The following ITGA6 variants were observed in gnomAD, a reference collection of about 807,000 sequenced individuals.
ITGA6 encodes the protein integrin subunit alpha 6, also known as integrin alpha-6.
A neutral mutation model predicts 133.6 loss-of-function variants in ITGA6; 63 were observed. The observed-to-expected ratio is 0.47, with a 90% CI of 0.38 to 0.58. The LOEUF is 0.58. ITGA6 is among the 20% of genes least tolerant of loss of function. The pLI is 0.00. For missense variants in ITGA6, 1,068 were observed against 1,309.4 expected (o/e 0.82, Z 2.85); for synonymous variants, 434 against 482.0 (o/e 0.90, Z 1.30).
At chr2:172,497,610 T>G (rs969103825) in intron 23 of ITGA6, among the ~76,000 whole-genome samples, 2 of 152,124 alleles carry the variant, frequency 1.3e-5, no homozygotes, top group African/African-American at 2.4e-5. Flanking sequence ...TTGAGAGCAA[T>G]TTGTTTAGAT....
At chr2:172,429,492 G>C (rs1684020520) in intron 1 of ITGA6, among the ~76,000 whole-genome samples, 2 of 152,184 alleles carry the variant, frequency 1.3e-5, no homozygotes, top group South Asian at 2.1e-4. Flanking sequence ...ACTGAAACCG[G>C]TGGCTTCCTT....
chr2:172,441,076 C>G (rs1003610195), intron 1 of ITGA6, among the ~76,000 whole-genome samples: 4 of 152,114 alleles, frequency 2.6e-5, no homozygotes, highest in Admixed American at 2.6e-4. Context: ...CCTTTAGACC[C>G]ATGTTAATCT....
At position 172,469,302 on chromosome 2, in the gene ITGA6, C is replaced by G. The variant is rs1253404239; in HGVS notation, c.565C>G (p.Gln189Glu). The stretch of plus-strand genomic sequence containing the variant: ...AGGCCATGAGAAATTTGGCTCTTGC[C>G]AGCAAGGTGTAGCAGCTACTTTTAC... ...LRGHEKFGSC[Q>E]QGVAATFTKD... is the part of the protein sequence containing the mutation. The change falls in exon 4 of 26, where the codon CAG (glutamine) becomes GAG (glutamate). Residue 189 changes from glutamine to glutamate, a missense_variant. Gln to Glu is a conservative substitution (Grantham distance 29). Coordinates refer to ENST00000684293, the MANE Select transcript of ITGA6 (RefSeq NM_000210.4). The G allele has an allele frequency of 6.2e-7, 1 of 1,614,120 alleles. No individual in the cohort carries two copies. Among genetic ancestry groups the G allele is most frequent in the Non-Finnish European group, 8.5e-7 (1 of 1,180,004 alleles).
chr2:172,449,422 T>C (rs1301629131), intron 1 of ITGA6, among the ~76,000 whole-genome samples: 1 of 152,172 alleles, frequency 6.6e-6, no homozygotes, highest in Non-Finnish European at 1.5e-5. Context: ...TCCCATTTAT[T>C]GAATGCCAAG....
intron 8 of ITGA6, 146 bp downstream of exon 8, chr2:172,475,831 A>G (rs1686150779): frequency 1.6e-6 from 1 of 637,750 alleles, no homozygotes; most frequent in African/African-American, 1.9e-5. Flanking sequence ...GTATTACTAG[A>G]AGATACCTTC....
rs1305292470 is a variant in ITGA6 at position 172,506,393 on chromosome 2, T to C, written c.*2325T>C. 2 of 152,208 alleles carry C rather than the reference T, an allele frequency of 1.3e-5. No individual in the cohort carries two copies. Among genetic ancestry groups the C allele is most frequent in the African/African-American group, 4.8e-5 (2 of 41,438 alleles). The allele number at this position is 152,208 out of a possible 1,614,324, so 9.4% of individuals were successfully genotyped here. A position where few individuals can be genotyped will look rare whatever the true frequency, so the allele number is the denominator to read the frequency against. ...TTCTGTTTTCGCTCTATGTAGGTGATCCTCAAGTCTTTCATTTTCCTTCTT... is the reference window on the plus strand; with the variant it reads ...TTCTGTTTTCGCTCTATGTAGGTGACCCTCAAGTCTTTCATTTTCCTTCTT... On this transcript the variant is annotated 3_prime_UTR_variant, in exon 26 of 26. Coordinates refer to ENST00000684293, the MANE Select transcript of ITGA6 (RefSeq NM_000210.4).
intron 1 of ITGA6, among the ~76,000 whole-genome samples, chr2:172,463,198 G>A (rs896965005): frequency 6.6e-6 from 1 of 152,242 alleles, no homozygotes; most frequent in African/African-American, 2.4e-5. Flanking sequence ...GTGAACGAAT[G>A]TGGGAATGGG....
In ITGA6 at chr2:172,484,701, A is replaced by T. The variant is rs1196743120; in HGVS notation, c.1550-81A>T. ...GGCAATGTTTTCTACAAGGAATTAA[A>T]ATCTTAAAAGGAGTTCAACATGCTT... On this transcript the variant is annotated intron_variant, in intron 11 of 25. Coordinates refer to ENST00000684293, the MANE Select transcript of ITGA6 (RefSeq NM_000210.4). The T allele has an allele frequency of 1.1e-5, 13 of 1,162,248 alleles. No individual in the cohort carries two copies. In the African/African-American group the frequency reaches 1.4e-4, roughly 12 times the overall value. The allele number at this position is 1,162,248 out of a possible 1,614,324, so 72.0% of individuals were successfully genotyped here. A position where few individuals can be genotyped will look rare whatever the true frequency, so the allele number is the denominator to read the frequency against.
At chr2:172,454,669 C>T (rs1156582215) in intron 1 of ITGA6, among the ~76,000 whole-genome samples, 1 of 152,138 alleles carries the variant, frequency 6.6e-6, no homozygotes, top group African/African-American at 2.4e-5. Flanking sequence ...TCCTGACCCT[C>T]CAGACCTGCT....
upstream of ITGA6, chr2:172,427,550 G>T: frequency 8.4e-7 from 1 of 1,194,100 alleles, no homozygotes; most frequent in Non-Finnish European, 1.0e-6. Context: ...CGGCGTCCTC[G>T]TCACTTGATA....
chr2:172,442,425 A>G (rs1301565714), intron 1 of ITGA6, among the ~76,000 whole-genome samples: 1 of 152,174 alleles, frequency 6.6e-6, no homozygotes, highest in Non-Finnish European at 1.5e-5. Flanking sequence ...TCCTTTCTGA[A>G]AGGAGGATAG....
intron 13 of ITGA6, among the ~76,000 whole-genome samples, 161 bp from the exon 14 acceptor site, chr2:172,486,862 A>G (rs1265991566): frequency 6.6e-6 from 1 of 152,220 alleles, no homozygotes; most frequent in African/African-American, 2.4e-5. Flanking sequence ...TAAAGGACAG[A>G]ATGGAAATTT....
chr2:172,436,611 A>C (rs143025594), intron 1 of ITGA6, among the ~76,000 whole-genome samples: 1 of 152,206 alleles, frequency 6.6e-6, no homozygotes, highest in Non-Finnish European at 1.5e-5. Flanking sequence ...GTGTGTGTAC[A>C]TGTTTTAACC....
At chr2:172,498,128 A>G (rs752422367) in intron 24 of ITGA6, 28 bp downstream of exon 24, 1 of 1,603,570 alleles carries the variant, frequency 6.2e-7, no homozygotes, top group South Asian at 1.1e-5. Flanking sequence ...TTTGAATTTC[A>G]TAACAAACTT....
intron 1 of ITGA6, among the ~76,000 whole-genome samples, chr2:172,434,734 C>T (rs1323381599): frequency 1.3e-5 from 2 of 152,048 alleles, no homozygotes; most frequent in African/African-American, 2.4e-5. Context: ...ATTTGCCAAG[C>T]GGCTAGTATA....
rs148662155 is a variant in ITGA6 at position 172,472,350 on chromosome 2, T to C, written c.775+1245T>C. ...GAATGTTTCATTTAGGGATTACTTA[T>C]GATTAAAATACTTGATTGTAATTGC... On this transcript the variant is annotated intron_variant, in intron 5 of 25. Coordinates refer to ENST00000684293, the MANE Select transcript of ITGA6 (RefSeq NM_000210.4). 4.0e-3 allele frequency among the ~76,000 whole-genome samples: 609 copies of C among 152,348 alleles called. 2 individuals are homozygous for C. The highest frequency in any genetic ancestry group is 7.1e-3 in the Non-Finnish European group (486 of 68,038).
At chr2:172,494,554 G>A (rs1347101695) in intron 23 of ITGA6, among the ~76,000 whole-genome samples, 1 of 152,168 alleles carries the variant, frequency 6.6e-6, no homozygotes, top group Admixed American at 6.5e-5. Flanking sequence ...CTATTATAAT[G>A]AAGTCAGGGA....
intron 20 of ITGA6, chr2:172,489,966 A>G (rs957767338): frequency 6.5e-6 from 2 of 307,506 alleles, no homozygotes; most frequent in Non-Finnish European, 1.2e-5. Flanking sequence ...CTCCTGGGGT[A>G]ATAGTAGCTG....
chr2:172,461,241 ATTTC>A (rs1285085784), intron 1 of ITGA6, among the ~76,000 whole-genome samples: 1 of 152,068 alleles, frequency 6.6e-6, no homozygotes, highest in African/African-American at 2.4e-5. Flanking sequence ...CTCAGTGTTT[ATTTC>A]TTATCGTTAA....
Sources: gnomAD v4.1 joint callset for allele counts (sites outside exome capture counted in the v4.1 genomes callset) on GRCh38, gnomAD v4.1.1 for gene constraint, MANE v1.5 for transcripts, NCBI Gene and HGNC (gene_info 2026-07-23, HGNC 2026-07-21) for gene names.